The following NKAIN2 variants were observed in gnomAD, a reference collection of about 807,000 sequenced individuals.
The protein encoded by NKAIN2 is sodium/potassium-transporting ATPase subunit beta-1-interacting protein 2.
A neutral mutation model predicts 32.6 loss-of-function variants in NKAIN2; 14 were observed. That is an observed-to-expected ratio of 0.43 (90% confidence interval 0.28 to 0.67). NKAIN2 has a LOEUF of 0.67. NKAIN2 is among the 30% of genes least tolerant of loss of function. The pLI is 0.17. For missense variants in NKAIN2, 198 were observed against 258.3 expected (o/e 0.77, Z 1.60); for synonymous variants, 80 against 87.2 (o/e 0.92, Z 0.46).
chr6:124,421,089 A>C (rs1046305846), intron 3 of NKAIN2, among the ~76,000 whole-genome samples: 7 of 151,540 alleles, frequency 4.6e-5, no homozygotes, highest in African/African-American at 1.7e-4. Flanking sequence ...AAAAAAAAAA[A>C]AAAAACATGT....
chr6:124,382,627 A>G (rs1354621640), intron 3 of NKAIN2, among the ~76,000 whole-genome samples: 1 of 152,290 alleles, frequency 6.6e-6, no homozygotes, highest in Middle Eastern at 3.4e-3. Flanking sequence ...AGATTTTGCT[A>G]TCCTCAACTA....
At chr6:124,119,887 T>A (rs566766538) in intron 1 of NKAIN2, among the ~76,000 whole-genome samples, 148 of 152,214 alleles carry the variant, frequency 9.7e-4, no homozygotes, top group Admixed American at 2.0e-3. Flanking sequence ...AAGAAACAAA[T>A]CCTTCTTGGT....
rs907978126 is a variant in NKAIN2, at chr6:124,378,325, C to G, written c.273+22978C>G. 4.9e-4 allele frequency among the ~76,000 whole-genome samples: 74 copies of G among 152,094 alleles called. 2 individuals carry two copies. Among genetic ancestry groups the G allele is most frequent in the African/African-American group, 9.7e-5 (4 of 41,430 alleles). ...ATTTCTCAAGGCTCAGGAAAGCTAC[C>G]CAGGGTGTGAAGAGTCTCATCTGTG... On this transcript the variant is annotated intron_variant, in intron 3 of 6. Transcript: ENST00000368417.
At chr6:124,274,014 C>T (rs1438647579) in intron 1 of NKAIN2, among the ~76,000 whole-genome samples, 1 of 152,104 alleles carries the variant, frequency 6.6e-6, no homozygotes, top group African/African-American at 2.4e-5. Context: ...CTCCATCTAC[C>T]AGGAAGGCCT....
Position 124,808,711 on chromosome 6 carries a change from T to C in NKAIN2, c.536-9676T>C, listed in dbSNP as rs373538603. On this transcript the variant is annotated intron_variant, in intron 5 of 6. Transcript: ENST00000368417. The stretch of plus-strand genomic sequence containing the variant: ...TCAAATTGTCCCTGTTTGCAGATGA[T>C]ATGATTGTATATCTAGAAAACCCCA... 2.9e-3 allele frequency among the ~76,000 whole-genome samples: 446 copies of C among 152,260 alleles called. 1 individual carries two copies. The highest frequency in any genetic ancestry group is 4.9e-3 in the Non-Finnish European group (336 of 68,002).
chr6:124,000,789 G>C (rs1199430224), intron 1 of NKAIN2, among the ~76,000 whole-genome samples: 1 of 152,014 alleles, frequency 6.6e-6, no homozygotes, highest in Non-Finnish European at 1.5e-5. Context: ...ACTAAATTCT[G>C]TTATTTTCTG....
intron 1 of NKAIN2, among the ~76,000 whole-genome samples, chr6:123,960,467 C>G (rs1777794248): frequency 6.6e-6 from 1 of 152,144 alleles, no homozygotes; most frequent in African/African-American, 2.4e-5. Context: ...CTTCTTTTTC[C>G]ATGTGCTGTC....
intron 1 of NKAIN2, among the ~76,000 whole-genome samples, chr6:124,021,862 C>T (rs1230540512): frequency 6.6e-6 from 1 of 151,974 alleles, no homozygotes; most frequent in Admixed American, 6.6e-5. Context: ...TAATTGAACC[C>T]ATGTAAAACC....
intron 4 of NKAIN2, among the ~76,000 whole-genome samples, chr6:124,772,471 G>A (rs1046227592): frequency 7.9e-5 from 12 of 152,144 alleles, no homozygotes; most frequent in African/African-American, 2.7e-4. Flanking sequence ...GCACATTAGA[G>A]CCTGGAGCAC....
intron 1 of NKAIN2, among the ~76,000 whole-genome samples, chr6:123,873,119 T>C (rs907970688): frequency 3.9e-5 from 6 of 152,090 alleles, no homozygotes; most frequent in Non-Finnish European, 5.9e-5. Flanking sequence ...AAATATGAGA[T>C]AGTGATAAAT....
At chr6:124,779,100 C>T (rs1345417176) in intron 4 of NKAIN2, among the ~76,000 whole-genome samples, 1 of 151,778 alleles carries the variant, frequency 6.6e-6, no homozygotes, top group Non-Finnish European at 1.5e-5. Context: ...ATTAGCTGGG[C>T]GTGGTGGCAC....
chr6:124,591,529 C>A (rs375045214), intron 3 of NKAIN2, among the ~76,000 whole-genome samples: 15 of 152,136 alleles, frequency 9.9e-5, no homozygotes, highest in African/African-American at 3.6e-4. Flanking sequence ...GATTTATCTG[C>A]TTGCTTTCCA....
At chr6:123,917,398 A>G (rs1216014564) in intron 1 of NKAIN2, among the ~76,000 whole-genome samples, 1 of 152,176 alleles carries the variant, frequency 6.6e-6, no homozygotes, top group African/African-American at 2.4e-5. Context: ...CTTGAATTTT[A>G]CCTTGAAGTC....
chr6:124,807,230 T>G lies in NKAIN2; in HGVS notation c.536-11157T>G, dbSNP rs559382773. ...CACACCTATTCCAAAATTGACCACATAGTTGGAAGTAAAGCACTCCTCAGC... is the reference window on the plus strand; with the variant it reads ...CACACCTATTCCAAAATTGACCACAGAGTTGGAAGTAAAGCACTCCTCAGC... On this transcript the variant is annotated intron_variant, in intron 5 of 6. Coordinates refer to ENST00000368417, the MANE Select transcript of NKAIN2 (RefSeq NM_001040214.3). Among the ~76,000 whole-genome samples, 23 of 152,288 alleles carry G rather than the reference T, an allele frequency of 1.5e-4. No homozygotes were observed. In the South Asian group the frequency reaches 4.8e-3, roughly 32 times the overall value.
At chr6:124,800,397 C>A (rs1389484642) in intron 5 of NKAIN2, among the ~76,000 whole-genome samples, 1 of 152,128 alleles carries the variant, frequency 6.6e-6, no homozygotes, top group Non-Finnish European at 1.5e-5. Context: ...GGAGGCAAAC[C>A]CTCAATCCTG....
At chr6:124,028,903 A>T (rs1267675656) in intron 1 of NKAIN2, among the ~76,000 whole-genome samples, 10 of 81,012 alleles carry the variant, frequency 1.2e-4, no homozygotes, top group Non-Finnish European at 1.7e-4. Context: ...ATATATATAT[A>T]CACATATATG....
At chr6:123,829,880 GTTCT>G (rs1774304946) in intron 1 of NKAIN2, among the ~76,000 whole-genome samples, 1 of 152,160 alleles carries the variant, frequency 6.6e-6, no homozygotes, top group Non-Finnish European at 1.5e-5. Context: ...TTCTTTCAGT[GTTCT>G]TTGTTTTGGA....
intron 1 of NKAIN2, among the ~76,000 whole-genome samples, chr6:124,123,995 T>A (rs163297): frequency 6.6e-6 from 1 of 151,378 alleles, no homozygotes; most frequent in Non-Finnish European, 1.5e-5. Flanking sequence ...TTAGGATGAG[T>A]GATCACAGTC....
intron 3 of NKAIN2, among the ~76,000 whole-genome samples, chr6:124,597,800 A>G (rs1782150811): frequency 6.6e-6 from 1 of 152,164 alleles, no homozygotes; most frequent in Non-Finnish European, 1.5e-5. Context: ...ATGGAGTTTT[A>G]GAGCTGTAAG....
Sources: gnomAD v4.1 joint callset for allele counts (sites outside exome capture counted in the v4.1 genomes callset) on GRCh38, gnomAD v4.1.1 for gene constraint, MANE v1.5 for transcripts, NCBI Gene and HGNC (gene_info 2026-07-23, HGNC 2026-07-21) for gene names.